ZNF468: variants seen among roughly 807,000 people sequenced by gnomAD.
ZNF468 encodes the protein zinc finger protein ZNF468.
In ZNF468, 8 loss-of-function variants were observed where a neutral mutation model predicts 7.2. The observed-to-expected ratio is 1.11, with a 90% confidence interval of 0.65 to 2.01. The LOEUF is 2.01. ZNF468 is among the 30% of genes most tolerant of loss of function. The pLI, the probability that ZNF468 is intolerant of heterozygous loss-of-function variation, is 0.00. For missense variants in ZNF468, 608 were observed against 626.5 expected, an observed-to-expected ratio of 0.97 and a Z score of 0.31; for synonymous variants, 218 against 214.4, an observed-to-expected ratio of 1.02 and a Z score of -0.15.
intron 2 of ZNF468, among the ~76,000 whole-genome samples, chr19:52,850,349 T>C (rs28579478): frequency 0.43 from 64,703 of 151,646 alleles, 15,082 homozygotes; most frequent in African/African-American, 0.61. Context: ...GTAATGCGGG[T>C]GTGCACAGAG....
intron 3 of ZNF468, among the ~76,000 whole-genome samples, chr19:52,846,035 G>GACACAT (rs1383997638): frequency 3.9e-5 from 6 of 152,012 alleles, no homozygotes; most frequent in African/African-American, 1.5e-4. Context: ...TTAATAAAAG[G>GACACAT]ACAGATACAG....
chr19:52,856,524 A>C lies in ZNF468; in HGVS notation c.-74+1048T>G, dbSNP rs560810490. Among the ~76,000 whole-genome samples the C allele has an allele frequency of 1.3e-4, 15 of 119,760 alleles. No individual in the cohort carries two copies. The East Asian group carries it at 1.8e-3, about 15-fold the overall frequency. The allele number at this position is 119,760 out of a possible 152,430, so 78.6% of individuals were successfully genotyped here. A position where few individuals can be genotyped will look rare whatever the true frequency, so the allele number is the denominator to read the frequency against. On this transcript the variant is annotated intron_variant, in intron 1 of 3. Coordinates refer to ENST00000595646, the MANE Select transcript of ZNF468 (RefSeq NM_001008801.2). ...GTTAAATTCTCTCTTCTCTGTTATA[A>C]CCCCCTGGACCCAATCTGGCACCCC... is the stretch of plus-strand genomic sequence containing the variant.
At position 52,839,582 on chromosome 19, in the gene ZNF468, C is replaced by T. The variant is rs2063277012; in HGVS notation, c.*1143G>A. 3 of 541,104 alleles carry T rather than the reference C, an allele frequency of 5.5e-6. No homozygotes were observed. The highest frequency in any genetic ancestry group is 3.8e-6 in the Non-Finnish European group (1 of 266,434). The allele number at this position is 541,104 out of a possible 1,614,324, so 33.5% of individuals were successfully genotyped here. The stretch of plus-strand genomic sequence containing the variant: ...TTGTCTGATGGTCTGCAAGGAGTGA[C>T]CTTGGACTGAAGACCCTTCCACACT... On this transcript the variant is annotated 3_prime_UTR_variant, in exon 4 of 4. Transcript: ENST00000595646.
At position 52,839,476 on chromosome 19, in the gene ZNF468, G is replaced by A. The variant is rs2063276250; in HGVS notation, c.*1249C>T. On this transcript the variant is annotated 3_prime_UTR_variant, in exon 4 of 4. Transcript: ENST00000595646. ...TGTTAAATCAACAAACTCAGGTCAA[G>A]GCTGATTTGACTCTAATGTCAATTA... The A allele has an allele frequency of 2.3e-6, 1 of 434,218 alleles. No individual in the cohort carries two copies. Among genetic ancestry groups the A allele is most frequent in the Admixed American group, 2.8e-5 (1 of 35,240 alleles). The allele number at this position is 434,218 out of a possible 1,614,324, so 26.9% of individuals were successfully genotyped here.
chr19:52,842,537 A>G (rs937357889), intron 3 of ZNF468, among the ~76,000 whole-genome samples: 12 of 151,546 alleles, frequency 7.9e-5, no homozygotes, highest in Admixed American at 5.9e-4. Context: ...AATAAATGCT[A>G]AAGAACCACA....
At position 52,839,678 on chromosome 19, in the gene ZNF468, C is replaced by T. The variant is rs768338240; in HGVS notation, c.*1047G>A. 37 of 543,894 alleles carry T rather than the reference C, an allele frequency of 6.8e-5. No homozygotes were observed. The highest frequency in any genetic ancestry group is 1.0e-4 in the Admixed American group (5 of 50,234). 33.7% of individuals were successfully genotyped at this position (543,894 alleles called of 1,614,324 possible). ...TAATGAGGTGTGAATGTGAAGTAAA[C>T]GCTTTGCCACAATCATCACACTTGT... On this transcript the variant is annotated 3_prime_UTR_variant, in exon 4 of 4. Coordinates refer to ENST00000595646, the MANE Select transcript of ZNF468 (RefSeq NM_001008801.2).
At chr19:52,854,851 C>G (rs1469592320) in intron 1 of ZNF468, among the ~76,000 whole-genome samples, 1 of 151,944 alleles carries the variant, frequency 6.6e-6, no homozygotes, top group Non-Finnish European at 1.5e-5. Context: ...ATGGTGACAC[C>G]CTGTCTCTAC....
rs972065551 is a variant in ZNF468, at chr19:52,838,996, T to C, written c.*1729A>G. On this transcript the variant is annotated 3_prime_UTR_variant, in exon 4 of 4. Coordinates refer to ENST00000595646, the MANE Select transcript of ZNF468 (RefSeq NM_001008801.2). ...GGCCAGGCACAGTGGCTCACTCCTGTAATCTCAGCACTTTGGGAGGTGGAG... is the reference window on the plus strand; with the variant it reads ...GGCCAGGCACAGTGGCTCACTCCTGCAATCTCAGCACTTTGGGAGGTGGAG... 2 of 152,262 alleles carry C rather than the reference T, an allele frequency of 1.3e-5. No individual in the cohort carries two copies. Among genetic ancestry groups the C allele is most frequent in the Admixed American group, 6.5e-5 (1 of 15,270 alleles). The allele number at this position is 152,262 out of a possible 1,614,324, so 9.4% of individuals were successfully genotyped here.
intron 2 of ZNF468, 181 bp downstream of exon 2, chr19:52,854,077 G>A: frequency 1.3e-6 from 2 of 1,522,804 alleles, no homozygotes; most frequent in Non-Finnish European, 1.8e-6. Context: ...CTCTTCCCAA[G>A]TTCATGACAC....
At chr19:52,857,197 G>C (rs941289072) in intron 1 of ZNF468, among the ~76,000 whole-genome samples, 8 of 151,966 alleles carry the variant, frequency 5.3e-5, no homozygotes, top group African/African-American at 1.5e-4. Flanking sequence ...CCCGGGACTG[G>C]GGTCGCCGCG....
intron 2 of ZNF468, among the ~76,000 whole-genome samples, chr19:52,853,208 T>C (rs2063405232): frequency 1.3e-5 from 2 of 152,018 alleles, no homozygotes; most frequent in Admixed American, 6.6e-5. Flanking sequence ...GTACGAGACT[T>C]GCTCTGACAG....
rs943248683 is a variant in ZNF468, at chr19:52,853,938, G to A, written c.15+320C>T. The A allele has an allele frequency of 7.9e-6, 11 of 1,390,524 alleles. No individual in the cohort carries two copies. The African/African-American group carries it at 1.6e-4, about 20-fold the overall frequency. 86.1% of individuals were successfully genotyped at this position (1,390,524 alleles called of 1,614,324 possible). ...CTGCTCCAATCCTGGTCCACAGTGAGCTGACAGTGCATCCAGATGTGGCCC... is the reference window on the plus strand; with the variant it reads ...CTGCTCCAATCCTGGTCCACAGTGAACTGACAGTGCATCCAGATGTGGCCC... On this transcript the variant is annotated intron_variant, in intron 2 of 3. Transcript: ENST00000595646.
chr19:52,853,300 T>C (rs1271047069), intron 2 of ZNF468, among the ~76,000 whole-genome samples: 1 of 152,116 alleles, frequency 6.6e-6, no homozygotes, highest in Non-Finnish European at 1.5e-5. Context: ...AGATGTCTTA[T>C]GGCCAAGGGT....
intron 3 of ZNF468, among the ~76,000 whole-genome samples, chr19:52,846,046 A>G (rs1348478324): frequency 6.6e-6 from 1 of 152,134 alleles, no homozygotes; most frequent in Non-Finnish European, 1.5e-5. Flanking sequence ...ACAGATACAG[A>G]AACTGGCATA....
At chr19:52,850,731 C>G (rs1188851898) in intron 2 of ZNF468, among the ~76,000 whole-genome samples, 251 of 144,200 alleles carry the variant, frequency 1.7e-3, no homozygotes, top group South Asian at 3.3e-3. Flanking sequence ...AACCCCATCT[C>G]TACTAAAAAT....
chr19:52,840,647 G>C lies in ZNF468; in HGVS notation c.*78C>G. ...TTGCCACATTCATTATGCTTGTAAG[G>C]TTTCTCTCCAGTATGAATTGCCTTA... On this transcript the variant is annotated 3_prime_UTR_variant, in exon 4 of 4. Transcript: ENST00000595646. The C allele has an allele frequency of 6.2e-7, 1 of 1,603,594 alleles. No homozygotes were observed. The highest frequency in any genetic ancestry group is 8.5e-7 in the Non-Finnish European group (1 of 1,170,890).
chr19:52,849,977 A>G (rs11672777), intron 2 of ZNF468, among the ~76,000 whole-genome samples: 51,846 of 151,672 alleles, frequency 0.34, 10,046 homozygotes, highest in African/African-American at 0.52. Flanking sequence ...TGTTCACAAA[A>G]TAATAAAACC....
At chr19:52,854,200 A>G in intron 2 of ZNF468, 58 bp downstream of exon 2, 2 of 1,612,682 alleles carry the variant, frequency 1.2e-6, no homozygotes, top group Non-Finnish European at 1.7e-6. Flanking sequence ...CCCAACTCCA[A>G]GGCCCAGGGT....
In ZNF468 at chr19:52,849,429, T is replaced by C. The variant is rs1051846392; in HGVS notation, c.16-216A>G. 19 of 996,070 alleles carry C rather than the reference T, an allele frequency of 1.9e-5. 1 individual carries two copies. Among genetic ancestry groups the C allele is most frequent in the Non-Finnish European group, 2.5e-5 (18 of 723,908 alleles). The allele number at this position is 996,070 out of a possible 1,614,324, so 61.7% of individuals were successfully genotyped here. On this transcript the variant is annotated intron_variant, in intron 2 of 3. Coordinates refer to ENST00000595646, the MANE Select transcript of ZNF468 (RefSeq NM_001008801.2). ...ACATACTCTCAGTATAAATTTCTTA[T>C]GTTTGTGAAAAATAACAGAAATAAA...
Sources: allele counts gnomAD v4.1 joint callset (sites outside exome capture counted in the v4.1 genomes callset), GRCh38; gene constraint gnomAD v4.1.1; transcripts MANE v1.5; gene names NCBI Gene and HGNC (gene_info 2026-07-23, HGNC 2026-07-21).